CGGBP1: variants seen among roughly 807,000 people sequenced by gnomAD.
CGGBP1 encodes the protein CGG triplet repeat binding protein 1.
In CGGBP1, 4 loss-of-function variants were observed where a neutral mutation model predicts 11.4. That is an observed-to-expected ratio of 0.35 (90% confidence interval 0.17 to 0.80). The LOEUF is 0.80. Ranked by LOEUF, CGGBP1 falls within the 30% of genes least tolerant of loss-of-function variation. The pLI, the probability that CGGBP1 is intolerant of heterozygous loss-of-function variation, is 0.52. For missense variants in CGGBP1, 135 were observed against 202.1 expected, an observed-to-expected ratio of 0.67 and a Z score of 2.01; for synonymous variants, 76 against 74.1, an observed-to-expected ratio of 1.03 and a Z score of -0.13.
At chr3:88,090,043 A>G (rs1576248338) in intron 2 of CGGBP1, among the ~76,000 whole-genome samples, 1 of 152,222 alleles carries the variant, frequency 6.6e-6, no homozygotes, top group South Asian at 2.1e-4. Flanking sequence ...AAAGTATAGC[A>G]TATAGAATTA....
At chr3:88,081,292 T>G (rs1190647960) in intron 2 of CGGBP1, among the ~76,000 whole-genome samples, 1 of 152,202 alleles carries the variant, frequency 6.6e-6, no homozygotes, top group Non-Finnish European at 1.5e-5. Context: ...TTTAAGTTTA[T>G]GTGGGGGTTT....
At chr3:88,119,468 C>T (rs1204285332) in intron 2 of CGGBP1, among the ~76,000 whole-genome samples, 9 of 147,356 alleles carry the variant, frequency 6.1e-5, no homozygotes, top group Non-Finnish European at 1.2e-4. Context: ...GGTGTGCGCA[C>T]CAGCATGGCA....
chr3:88,127,284 AGGGT>A (rs567283486), intron 2 of CGGBP1, among the ~76,000 whole-genome samples: 47 of 152,136 alleles, frequency 3.1e-4, no homozygotes, highest in Non-Finnish European at 5.3e-4. Flanking sequence ...CTAAGGGGTT[AGGGT>A]GGGTTGTGAA....
chr3:88,121,081 T>C (rs1559724130), intron 2 of CGGBP1, among the ~76,000 whole-genome samples: 1 of 151,816 alleles, frequency 6.6e-6, no homozygotes, highest in Admixed American at 6.6e-5. Flanking sequence ...AGCACATGTA[T>C]CCCAGAACTT....
At chr3:88,091,958 A>G (rs896622979) in intron 2 of CGGBP1, among the ~76,000 whole-genome samples, 2 of 152,214 alleles carry the variant, frequency 1.3e-5, no homozygotes, top group African/African-American at 2.4e-5. Context: ...TAGCTTTTCT[A>G]CTACTGCCCA....
chr3:88,058,641 G>T (rs1706647191), intron 1 of CGGBP1, among the ~76,000 whole-genome samples, 174 bp downstream of exon 1: 1 of 152,318 alleles, frequency 6.6e-6, no homozygotes, highest in Non-Finnish European at 1.5e-5. Context: ...GGGAGGCGGC[G>T]GCAGGCGCCT....
chr3:88,073,668 C>T (rs1707638312), intron 2 of CGGBP1, among the ~76,000 whole-genome samples: 1 of 151,990 alleles, frequency 6.6e-6, no homozygotes, highest in African/African-American at 2.4e-5. Context: ...ATGGTATTAA[C>T]AATAAATGGT....
intron 2 of CGGBP1, among the ~76,000 whole-genome samples, chr3:88,123,896 GCTTGCTA>G (rs767670620): frequency 1.3e-5 from 2 of 152,162 alleles, no homozygotes; most frequent in Non-Finnish European, 2.9e-5. Context: ...TAATTTGGGA[GCTTGCTA>G]CCTTGCTTAC....
intron 2 of CGGBP1, among the ~76,000 whole-genome samples, chr3:88,130,792 C>CA (rs1356059490): frequency 1.3e-5 from 2 of 151,774 alleles, no homozygotes; most frequent in African/African-American, 2.4e-5. Context: ...TCTTCAAACT[C>CA]AGAGATAAGA....
At chr3:88,061,868 C>T (rs1706904602), upstream of CGGBP1, among the ~76,000 whole-genome samples, 1 of 152,096 alleles carries the variant, frequency 6.6e-6, no homozygotes, top group Non-Finnish European at 1.5e-5. Context: ...GGGTATGTGA[C>T]AGTTAACTAA....
intron 2 of CGGBP1, chr3:88,139,241 T>G: frequency 6.6e-7 from 1 of 1,515,518 alleles, no homozygotes. Flanking sequence ...AAGGTCATAT[T>G]AATACGAAGA....
At chr3:88,137,595 A>G (rs1706876043) in intron 2 of CGGBP1, among the ~76,000 whole-genome samples, 2 of 152,236 alleles carry the variant, frequency 1.3e-5, no homozygotes, top group Admixed American at 6.5e-5. Context: ...GTTTTTAAAG[A>G]TAAGTTATTC....
At chr3:88,128,646 C>G (rs1380313785) in intron 2 of CGGBP1, among the ~76,000 whole-genome samples, 1 of 151,970 alleles carries the variant, frequency 6.6e-6, no homozygotes, top group Non-Finnish European at 1.5e-5. Flanking sequence ...CTTTTTCCAA[C>G]CATATAACTG....
chr3:88,100,963 A>G (rs1200641880), intron 2 of CGGBP1, among the ~76,000 whole-genome samples: 1 of 152,244 alleles, frequency 6.6e-6, no homozygotes. Flanking sequence ...GTATAATAAA[A>G]GAAAACTTTA....
intron 2 of CGGBP1, among the ~76,000 whole-genome samples, chr3:88,115,676 G>A (rs991306303): frequency 1.3e-5 from 2 of 152,006 alleles, no homozygotes; most frequent in African/African-American, 2.4e-5. Flanking sequence ...TTTCCTCTCC[G>A]TTATTTCTAG....
At position 88,055,996 on chromosome 3, in the gene CGGBP1, G is replaced by C. The variant is rs772202096; in HGVS notation, c.-20C>G. ...CTCCATTCTGACTCTAAATAAATAT[G>C]GTTCTTTCAAGACAAAAGAAACAAA... is the stretch of plus-strand genomic sequence containing the variant. On this transcript the variant is annotated 5_prime_UTR_variant, in exon 4 of 4. Transcript: ENST00000482016. This position sits in a 1 kb window ranked among gnomAD's most constrained non-coding sequence, Gnocchi z 4.2. 6.4e-7 allele frequency: 1 copy of C among 1,572,156 alleles called. No individual in the cohort carries two copies. Among genetic ancestry groups the C allele is most frequent in the Non-Finnish European group, 8.6e-7 (1 of 1,159,958 alleles).
chr3:88,096,079 T>A (rs189991509), intron 2 of CGGBP1: 53 of 164,484 alleles, frequency 3.2e-4, no homozygotes, highest in Admixed American at 7.8e-4. Flanking sequence ...GGTCTAGGGC[T>A]TGGCAGACTG....
intron 2 of CGGBP1, among the ~76,000 whole-genome samples, chr3:88,076,901 C>T (rs1707834002): frequency 6.6e-6 from 1 of 152,116 alleles, no homozygotes; most frequent in Non-Finnish European, 1.5e-5. Context: ...CTCTGACCTG[C>T]CTCAAAGGTG....
At chr3:88,115,838 C>A (rs1363329868) in intron 2 of CGGBP1, among the ~76,000 whole-genome samples, 1 of 151,952 alleles carries the variant, frequency 6.6e-6, no homozygotes, top group Non-Finnish European at 1.5e-5. Flanking sequence ...TCGAGATTCC[C>A]AATGAAGTGA....
Sources: gnomAD v4.1 joint callset for allele counts (sites outside exome capture counted in the v4.1 genomes callset) on GRCh38, gnomAD v4.1.1 for gene constraint, Gnocchi (gnomAD v3.1) non-coding constraint, MANE v1.5 for transcripts, NCBI Gene and HGNC (gene_info 2026-07-23, HGNC 2026-07-21) for gene names.